The following OXR1 variants were observed in gnomAD, a reference collection of about 807,000 sequenced individuals.
The protein encoded by OXR1 is oxidation resistance protein 1.
A neutral mutation model predicts 104.6 loss-of-function variants in OXR1; 41 were observed. The ratio of observed to expected loss-of-function variants is 0.39; its 90% CI spans 0.31 to 0.51. The LOEUF is 0.51. Ranked by LOEUF, OXR1 falls within the 20% of genes least tolerant of loss-of-function variation. OXR1 has a pLI of 0.77. For missense variants in OXR1, 955 were observed against 1,031.9 expected (o/e 0.93, Z 1.02); for synonymous variants, 348 against 348.4 (o/e 1.00, Z 0.01).
At chr8:106,722,643 A>G (rs1028508047) in intron 11 of OXR1, among the ~76,000 whole-genome samples, 1 of 152,192 alleles carries the variant, frequency 6.6e-6, no homozygotes, top group Non-Finnish European at 1.5e-5. Flanking sequence ...TATAGTATTC[A>G]GTACAGTAAC....
At chr8:106,725,697 A>T (rs1833268787) in intron 11 of OXR1, among the ~76,000 whole-genome samples, 2 of 152,132 alleles carry the variant, frequency 1.3e-5, no homozygotes, top group African/African-American at 4.8e-5. Context: ...CATTCTGTAA[A>T]ATTTTAGGGT....
At position 106,551,548 on chromosome 8, in the gene OXR1, T is replaced by G. The variant is rs1815805092; in HGVS notation, c.220+32409T>G. Reference sequence around the variant, plus strand: ...TTCAGTTTCAAATGCTGAAGGCAAGTCTTAGTTTAATATCTTAGAGAAAGA... The same window carrying G: ...TTCAGTTTCAAATGCTGAAGGCAAGGCTTAGTTTAATATCTTAGAGAAAGA... On this transcript the variant is annotated intron_variant, in intron 3 of 16. Coordinates refer to ENST00000517566, the MANE Select transcript of OXR1 (RefSeq NM_001198533.2). Among the ~76,000 whole-genome samples the G allele has an allele frequency of 2.6e-5, 4 of 152,062 alleles. No individual in the cohort carries two copies. In the South Asian group the frequency reaches 8.3e-4, roughly 31 times the overall value.
At chr8:106,654,655 T>C (rs1824903067) in intron 3 of OXR1, among the ~76,000 whole-genome samples, 2 of 152,112 alleles carry the variant, frequency 1.3e-5, no homozygotes, top group South Asian at 2.1e-4. Flanking sequence ...AGAAAAAACA[T>C]AATAGTTAAT....
intron 3 of OXR1, among the ~76,000 whole-genome samples, chr8:106,612,701 C>T (rs1037871226): frequency 3.3e-5 from 5 of 152,178 alleles, no homozygotes; most frequent in Middle Eastern, 3.2e-3. Context: ...GAAGTACCTA[C>T]ATACACTTTT....
intron 1 of OXR1, among the ~76,000 whole-genome samples, chr8:106,343,656 T>A (rs1815349897): frequency 1.3e-5 from 2 of 152,240 alleles, no homozygotes; most frequent in Non-Finnish European, 2.9e-5. Context: ...TGTAATATGT[T>A]GATTGGCCTG....
At chr8:106,292,143 C>T (rs1474659443) in intron 1 of OXR1, among the ~76,000 whole-genome samples, 1 of 152,176 alleles carries the variant, frequency 6.6e-6, no homozygotes, top group African/African-American at 2.4e-5. Flanking sequence ...GTTATCATAT[C>T]TATTGTTGCA....
intron 2 of OXR1, among the ~76,000 whole-genome samples, chr8:106,377,761 C>T (rs1056056791): frequency 1.3e-5 from 2 of 152,162 alleles, no homozygotes; most frequent in African/African-American, 2.4e-5. Context: ...TCCTGTTCTA[C>T]CTTTCTTTAA....
intron 2 of OXR1, among the ~76,000 whole-genome samples, chr8:106,503,490 C>A (rs916566066): frequency 6.6e-6 from 1 of 152,138 alleles, no homozygotes. Flanking sequence ...TGTTGATGTT[C>A]TGGGAATCCT....
At chr8:106,570,283 A>G (rs894842908) in intron 3 of OXR1, among the ~76,000 whole-genome samples, 8 of 152,198 alleles carry the variant, frequency 5.3e-5, no homozygotes, top group African/African-American at 1.9e-4. Context: ...GTCCAGGACC[A>G]ATGACTTTGT....
rs1289898549 is a variant in OXR1, at chr8:106,618,092, C to A, written c.221-61118C>A. On this transcript the variant is annotated intron_variant, in intron 3 of 16. Coordinates refer to ENST00000517566, the MANE Select transcript of OXR1 (RefSeq NM_001198533.2). The stretch of plus-strand genomic sequence containing the variant: ...ATATTACCCTGAGAAGCACAGGAAT[C>A]AAAATTCCTGTCTCCTCTTCTTGAA... 20 of 1,535,100 alleles carry A rather than the reference C, an allele frequency of 1.3e-5. 1 individual carries two copies. The highest frequency in any genetic ancestry group is 1.7e-4 in the Middle Eastern group (1 of 6,010).
chr8:106,674,034 G>T (rs2131178538), intron 3 of OXR1, among the ~76,000 whole-genome samples: 1 of 152,358 alleles, frequency 6.6e-6, no homozygotes, highest in East Asian at 1.9e-4. Flanking sequence ...CCCACCTAGA[G>T]TCTCTACTGG....
intron 2 of OXR1, among the ~76,000 whole-genome samples, chr8:106,489,045 C>T (rs1240284399): frequency 6.7e-6 from 1 of 148,882 alleles, no homozygotes; most frequent in Non-Finnish European, 1.5e-5. Context: ...ATTGATTCTT[C>T]CTACCCATGA....
At chr8:106,333,903 C>T (rs7814702) in intron 1 of OXR1, among the ~76,000 whole-genome samples, 34,377 of 151,926 alleles carry the variant, frequency 0.23, 5,693 homozygotes, top group African/African-American at 0.47. Flanking sequence ...TAAGTCCTAC[C>T]AACTTTTGTT....
At chr8:106,465,439 T>C (rs527428452) in intron 2 of OXR1, among the ~76,000 whole-genome samples, 12 of 152,066 alleles carry the variant, frequency 7.9e-5, no homozygotes, top group Non-Finnish European at 1.5e-4. Flanking sequence ...GGGAAGCCAC[T>C]AGAGGTACTG....
At chr8:106,369,937 T>C (rs7846559) in intron 2 of OXR1, among the ~76,000 whole-genome samples, 7,106 of 152,232 alleles carry the variant, frequency 0.047, 514 homozygotes, top group African/African-American at 0.16. Flanking sequence ...CTGTGAAGAA[T>C]GTCAGTGATA....
At chr8:106,710,238 C>T (rs1266672140) in intron 9 of OXR1, among the ~76,000 whole-genome samples, 1 of 151,960 alleles carries the variant, frequency 6.6e-6, no homozygotes, top group Non-Finnish European at 1.5e-5. Flanking sequence ...AAAACTTCTA[C>T]AGTTATTTAG....
At chr8:106,278,290 C>G (rs1300259297) in intron 1 of OXR1, among the ~76,000 whole-genome samples, 1 of 152,114 alleles carries the variant, frequency 6.6e-6, no homozygotes, top group East Asian at 1.9e-4. Flanking sequence ...GTAGTAGAAT[C>G]ACTGTTTTCT....
At chr8:106,593,635 G>C (rs1416008055) in intron 3 of OXR1, among the ~76,000 whole-genome samples, 1 of 152,096 alleles carries the variant, frequency 6.6e-6, no homozygotes, top group African/African-American at 2.4e-5. Context: ...AAATTAGCCG[G>C]GTGTGGTGGC....
intron 3 of OXR1, among the ~76,000 whole-genome samples, chr8:106,615,662 T>C (rs1380038504): frequency 6.6e-6 from 1 of 151,776 alleles, no homozygotes; most frequent in African/African-American, 2.4e-5. Flanking sequence ...TTCTACCTGC[T>C]GCTGTTGTTT....
Sources: allele counts gnomAD v4.1 joint callset (sites outside exome capture counted in the v4.1 genomes callset), GRCh38; gene constraint gnomAD v4.1.1; transcripts MANE v1.5; gene names NCBI Gene and HGNC (gene_info 2026-07-23, HGNC 2026-07-21).